The following DET1 variants were observed in gnomAD, a reference collection of about 807,000 sequenced individuals.
DET1 encodes DET1 homolog.
A neutral mutation model predicts 43.7 loss-of-function variants in DET1; 22 were observed. The observed-to-expected ratio is 0.50, with a 90% CI of 0.36 to 0.72. DET1 has a LOEUF of 0.72. Ranked by LOEUF, DET1 falls within the 30% of genes least tolerant of loss-of-function variation. The probability of loss-of-function intolerance (pLI) is 0.00; values close to 1 mark genes in which losing one functional copy is unlikely to be tolerated. For synonymous variants in DET1, 315 were observed against 266.2 expected, an observed-to-expected ratio of 1.18 and a Z score of -1.79; for missense variants, 713 against 713.3, an observed-to-expected ratio of 1.00 and a Z score of 0.00.
At chr15:88,540,882 T>C (rs1245275410) in intron 1 of DET1, among the ~76,000 whole-genome samples, 1 of 105,056 alleles carries the variant, frequency 9.5e-6, no homozygotes, top group Non-Finnish European at 1.8e-5. Context: ...GAAAGCCAGG[T>C]ATTGTCCAAG....
intron 1 of DET1, among the ~76,000 whole-genome samples, chr15:88,543,018 T>A (rs1233088556): frequency 3.3e-5 from 5 of 152,256 alleles, no homozygotes; most frequent in African/African-American, 1.2e-4. Context: ...AGCCCTTGTA[T>A]ACTGCTATAA....
downstream of DET1, among the ~76,000 whole-genome samples, chr15:88,510,754 G>A (rs1598310245): frequency 6.8e-6 from 1 of 146,138 alleles, no homozygotes; most frequent in African/African-American, 2.5e-5. Context: ...GGTTGTTGTT[G>A]TTTTGTTTTT....
chr15:88,510,454 A>G (rs2056185339), downstream of DET1, among the ~76,000 whole-genome samples: 1 of 152,182 alleles, frequency 6.6e-6, no homozygotes, highest in South Asian at 2.1e-4. Flanking sequence ...AGCTGCAGAT[A>G]AAGTGTTTCT....
intron 4 of DET1, among the ~76,000 whole-genome samples, chr15:88,514,075 A>G (rs2056277690): frequency 6.7e-6 from 1 of 150,010 alleles, no homozygotes; most frequent in Non-Finnish European, 1.5e-5. Context: ...CTGGGATTAC[A>G]GGCGTGAGCC....
chr15:88,534,868 A>G (rs1280672301), intron 1 of DET1, among the ~76,000 whole-genome samples: 1 of 152,208 alleles, frequency 6.6e-6, no homozygotes, highest in Non-Finnish European at 1.5e-5. Flanking sequence ...AACAAGCCCT[A>G]TCATCTTATA....
intron 1 of DET1, among the ~76,000 whole-genome samples, chr15:88,543,753 G>C (rs750795726): frequency 1.7e-4 from 26 of 152,166 alleles, no homozygotes; most frequent in Non-Finnish European, 1.5e-5. Context: ...CTGACAGCAG[G>C]TACGCCTTTG....
intron 4 of DET1, 112 bp from the exon 5 acceptor site, chr15:88,513,252 A>T: frequency 8.6e-7 from 1 of 1,157,886 alleles, no homozygotes; most frequent in Middle Eastern, 2.9e-4. Context: ...TACCTTATTA[A>T]TGAAATCGCC....
At chr15:88,527,420 A>C (rs2056693558) in intron 3 of DET1, among the ~76,000 whole-genome samples, 179 bp downstream of exon 3, 1 of 152,260 alleles carries the variant, frequency 6.6e-6, no homozygotes, top group South Asian at 2.1e-4. Context: ...GACAATGCAC[A>C]AATAATTCTA....
rs2056825499 is a variant in DET1 at position 88,531,895 on chromosome 15, T to C, written c.-10-180A>G. On this transcript the variant is annotated intron_variant, in intron 1 of 4. Transcript: ENST00000268148. This position sits in a 1 kb window ranked among gnomAD's most constrained non-coding sequence, Gnocchi z 6.2. ...AGTAAGTGGTCCTAACATTTCTAAG[T>C]CTAGAAACAGGTCTAAGGGAAGGAT... 1 of 621,366 alleles carries C rather than the reference T, an allele frequency of 1.6e-6. No homozygotes were observed. Among genetic ancestry groups the C allele is most frequent in the Non-Finnish European group, 2.7e-6 (1 of 366,578 alleles). 38.5% of individuals were successfully genotyped at this position (621,366 alleles called of 1,614,324 possible).
intron 1 of DET1, among the ~76,000 whole-genome samples, chr15:88,535,743 G>A (rs1039847495): frequency 6.6e-6 from 1 of 151,348 alleles, no homozygotes; most frequent in Non-Finnish European, 1.5e-5. Context: ...GCAATGCAGT[G>A]AGACTCTGTC....
At chr15:88,503,186 T>C (rs2056105278) in intron 8 of DET1, 1 of 151,974 alleles carries the variant, frequency 6.6e-6, no homozygotes, top group Non-Finnish European at 1.5e-5. Flanking sequence ...ATCGCTTAAG[T>C]CTGGGAGGCG....
At chr15:88,524,789 G>A (rs1044609038) in intron 3 of DET1, among the ~76,000 whole-genome samples, 3 of 152,060 alleles carry the variant, frequency 2.0e-5, no homozygotes, top group African/African-American at 7.2e-5. Flanking sequence ...CTAATCTCAA[G>A]TACCCAGGGA....
chr15:88,529,245 T>C (rs2056749539), intron 2 of DET1, among the ~76,000 whole-genome samples: 1 of 152,242 alleles, frequency 6.6e-6, no homozygotes, highest in Non-Finnish European at 1.5e-5. Context: ...GTCCTTTCTA[T>C]GGCCCTGGAC....
intron 1 of DET1, among the ~76,000 whole-genome samples, chr15:88,543,406 A>G (rs1053530214): frequency 6.6e-6 from 1 of 152,222 alleles, no homozygotes; most frequent in Non-Finnish European, 1.5e-5. Context: ...GCATTTTACA[A>G]TATCAGAGTT....
chr15:88,522,259 G>C (rs1444147801), intron 3 of DET1, among the ~76,000 whole-genome samples: 5 of 152,086 alleles, frequency 3.3e-5, no homozygotes, highest in Admixed American at 2.0e-4. Context: ...GGATGGTCCT[G>C]CCAATCTAAA....
intron 1 of DET1, chr15:88,536,170 T>C (rs958593390): frequency 6.5e-6 from 4 of 613,970 alleles, no homozygotes; most frequent in African/African-American, 1.9e-5. Flanking sequence ...AAGATCTGCC[T>C]CTGTTTCATC....
chr15:88,522,707 A>G (rs1028773334), intron 3 of DET1, among the ~76,000 whole-genome samples: 1 of 150,780 alleles, frequency 6.6e-6, no homozygotes, highest in African/African-American at 2.4e-5. Flanking sequence ...TTTAGAAGAG[A>G]CGGGGTTTCA....
intron 3 of DET1, among the ~76,000 whole-genome samples, chr15:88,520,491 C>A (rs2056461613): frequency 6.6e-6 from 1 of 152,166 alleles, no homozygotes. Flanking sequence ...AGCTAACACT[C>A]CTTTGAGAAA....
At position 88,530,864 on chromosome 15, in the gene DET1, G is replaced by C. The variant is rs1036973987; in HGVS notation, c.842C>G (p.Thr281Arg). 1.9e-6 allele frequency: 3 copies of C among 1,614,034 alleles called. No homozygotes were observed. The Admixed American group carries it at 5.0e-5, about 27-fold the overall frequency. ...VFPEVQRDSQ[T>R]GMANPFRDPF... ...ATCCCTAAAGGGATTGGCCATGCCT[G>C]TCTGACTGTCCCGCTGTACCTCAGG... is the stretch of plus-strand genomic sequence containing the variant. Residue 281 changes from threonine to arginine, a missense_variant, in exon 2 of 5, where the codon ACA (threonine) becomes AGA (arginine). Transcript: ENST00000268148.
Sources: gnomAD v4.1 joint callset for allele counts (sites outside exome capture counted in the v4.1 genomes callset) on GRCh38, gnomAD v4.1.1 for gene constraint, Gnocchi (gnomAD v3.1) non-coding constraint, MANE v1.5 for transcripts, NCBI Gene and HGNC (gene_info 2026-07-23, HGNC 2026-07-21) for gene names.